Variants in RASSF3 observed in about 807,000 individuals in gnomAD.
RASSF3 encodes Ras association domain family member 3.
RASSF3 carries 19 observed loss-of-function variants against 19.9 expected under a neutral mutation model. The ratio of observed to expected loss-of-function variants is 0.96; its 90% CI spans 0.67 to 1.40. The LOEUF is 1.40. Ranked by LOEUF, RASSF3 falls within the 40% of genes most tolerant of loss-of-function variation. RASSF3 has a pLI of 0.00. For synonymous variants in RASSF3, 110 were observed against 104.2 expected (o/e 1.06, Z -0.34); for missense variants, 306 against 289.8 (o/e 1.06, Z -0.41).
chr12:64,574,473 C>T lies in RASSF3; in HGVS notation c.294+32768C>T, dbSNP rs181120672. 2.3e-3 allele frequency among the ~76,000 whole-genome samples: 351 copies of T among 152,184 alleles called. 2 individuals are homozygous for T. The highest frequency in any genetic ancestry group is 3.1e-3 in the Admixed American group (48 of 15,272). ...TGCCCCTCCTGTTTCACACCTTTTG[C>T]TATATAATTTTGCAATGCCCTCAAT... On this transcript the variant is annotated intron_variant, in intron 2 of 5. Transcript: ENST00000637125.
chr12:64,576,850 CAAA>C (rs56963418), intron 2 of RASSF3, among the ~76,000 whole-genome samples: 14 of 85,674 alleles, frequency 1.6e-4, no homozygotes, highest in South Asian at 4.0e-4. Context: ...GACCCTGTCT[CAAA>C]AAAAAAAAAA....
intron 1 of RASSF3, among the ~76,000 whole-genome samples, chr12:64,672,110 A>C (rs2136207664): frequency 6.6e-6 from 1 of 152,280 alleles, no homozygotes; most frequent in African/African-American, 2.4e-5. Flanking sequence ...GGGGTACATA[A>C]GATTTTTTGA....
chr12:64,543,436 C>CG (rs1868982679), downstream of RASSF3, among the ~76,000 whole-genome samples: 1 of 38,218 alleles, frequency 2.6e-5, no homozygotes, highest in Non-Finnish European at 5.5e-5. Flanking sequence ...CCCGCCCGCC[C>CG]CCCCCGTGCC....
At chr12:64,593,915 G>C (rs1869960371) in intron 2 of RASSF3, among the ~76,000 whole-genome samples, 2 of 150,270 alleles carry the variant, frequency 1.3e-5, no homozygotes, top group Admixed American at 6.7e-5. Flanking sequence ...AGGAGGCTGA[G>C]GCAGGAGAAT....
chr12:64,583,325 T>C (rs1452451513), intron 2 of RASSF3, among the ~76,000 whole-genome samples: 1 of 152,156 alleles, frequency 6.6e-6, no homozygotes, highest in East Asian at 1.9e-4. Context: ...GAAATCAGAT[T>C]TGTGTTTCAT....
chr12:64,649,807 C>T (rs11175501), intron 1 of RASSF3, among the ~76,000 whole-genome samples: 9,787 of 152,322 alleles, frequency 0.064, 383 homozygotes, highest in Non-Finnish European at 0.091. Flanking sequence ...ATAAACTAAA[C>T]GGTCTCCCTG....
At chr12:64,645,092 A>G (rs1871683920) in intron 1 of RASSF3, among the ~76,000 whole-genome samples, 1 of 152,108 alleles carries the variant, frequency 6.6e-6, no homozygotes, top group Admixed American at 6.6e-5. Flanking sequence ...TATGGTTTGC[A>G]TGCTGAGAGA....
intron 2 of RASSF3, among the ~76,000 whole-genome samples, chr12:64,588,110 T>A (rs1448469265): frequency 6.6e-6 from 1 of 152,188 alleles, no homozygotes; most frequent in African/African-American, 2.4e-5. Flanking sequence ...AGACATGGTC[T>A]CTGTCACCCA....
At chr12:64,670,446 A>G (rs1190997088) in intron 1 of RASSF3, among the ~76,000 whole-genome samples, 4 of 150,134 alleles carry the variant, frequency 2.7e-5, no homozygotes, top group African/African-American at 9.7e-5. Context: ...AAATGTTGAA[A>G]TTTTTATGCA....
intron 2 of RASSF3, among the ~76,000 whole-genome samples, chr12:64,552,776 T>C (rs1343977060): frequency 6.6e-6 from 1 of 152,210 alleles, no homozygotes; most frequent in African/African-American, 2.4e-5. Flanking sequence ...CAGTCTATCA[T>C]TGGTGGGCAT....
intron 1 of RASSF3, among the ~76,000 whole-genome samples, chr12:64,632,040 TGGA>T (rs1189225601): frequency 2.0e-5 from 3 of 151,968 alleles, no homozygotes; most frequent in Non-Finnish European, 4.4e-5. Context: ...CATCGTTGAG[TGGA>T]GGAGAAGTTC....
intron 2 of RASSF3, among the ~76,000 whole-genome samples, chr12:64,558,823 G>A (rs982034176): frequency 2.0e-5 from 3 of 152,138 alleles, no homozygotes; most frequent in African/African-American, 7.2e-5. Flanking sequence ...TCAAGTGTGG[G>A]AACGTTGAAG....
At chr12:64,512,478 G>C (rs932766685) in intron 1 of RASSF3, among the ~76,000 whole-genome samples, 5 of 152,088 alleles carry the variant, frequency 3.3e-5, no homozygotes, top group African/African-American at 1.2e-4. Context: ...CTCTGTCTCT[G>C]AGAGGGAGAC....
At position 64,574,747 on chromosome 12, in the gene RASSF3, C is replaced by A. The variant is rs1297147068; in HGVS notation, c.294+33042C>A. On this transcript the variant is annotated intron_variant, in intron 2 of 5. Coordinates refer to the RASSF3 transcript ENST00000637125. ...GTACTCAGTCAAGCCTAGCTGAGAA[C>A]AGAGCTCCTAGCTGAGCTGCAGATG... Among the ~76,000 whole-genome samples, 6 of 152,216 alleles carry A rather than the reference C, an allele frequency of 3.9e-5. 2 individuals are homozygous for A. Among genetic ancestry groups the A allele is most frequent in the Admixed American group, 3.3e-4 (5 of 15,282 alleles).
At chr12:64,675,303 G>C (rs1872856237) in intron 1 of RASSF3, among the ~76,000 whole-genome samples, 1 of 152,000 alleles carries the variant, frequency 6.6e-6, no homozygotes, top group African/African-American at 2.4e-5. Flanking sequence ...CCTTTAACTG[G>C]TTTATTTTTT....
chr12:64,630,541 T>C (rs1223929736), intron 1 of RASSF3, among the ~76,000 whole-genome samples: 1 of 151,858 alleles, frequency 6.6e-6, no homozygotes, highest in Non-Finnish European at 1.5e-5. Flanking sequence ...CAAAACGAAA[T>C]TTAAAAAAAG....
At chr12:64,533,321 A>G (rs952832239) in exon 1 of RASSF3, 18 of 152,278 alleles carry the variant, frequency 1.2e-4, no homozygotes, top group African/African-American at 4.3e-4. Context: ...AGGTGAAGAA[A>G]ACTCACATAC....
Position 64,694,970 on chromosome 12 carries a change from G to A in RASSF3, c.*58G>A. On this transcript the variant is annotated 3_prime_UTR_variant, in exon 5 of 5. Coordinates refer to ENST00000542104, the MANE Select transcript of RASSF3 (RefSeq NM_178169.4). ...GGACCGATGTACAAAACAGCAGCAA[G>A]TGCCTCTCTTCTCAGAGGGCTGCTG... The A allele has an allele frequency of 1.9e-6, 3 of 1,574,616 alleles. No individual in the cohort carries two copies. The highest frequency in any genetic ancestry group is 2.6e-6 in the Non-Finnish European group (3 of 1,153,946).
At chr12:64,544,325 C>T (rs149285915), downstream of RASSF3, among the ~76,000 whole-genome samples, 3 of 152,210 alleles carry the variant, frequency 2.0e-5, no homozygotes, top group East Asian at 5.8e-4. Context: ...ACTGTGCTAG[C>T]GAGACCACGA....
Sources: allele counts gnomAD v4.1 joint callset (sites outside exome capture counted in the v4.1 genomes callset), GRCh38; gene constraint gnomAD v4.1.1; transcripts MANE v1.5; gene names NCBI Gene and HGNC (gene_info 2026-07-23, HGNC 2026-07-21).